Variants in WDR59 observed in about 807,000 individuals in gnomAD.
WDR59 encodes the protein GATOR2 complex protein WDR59.
WDR59 carries 100 observed loss-of-function variants against 131.2 expected under a neutral mutation model. That is an observed-to-expected ratio of 0.76 (90% CI 0.65 to 0.90). The LOEUF is 0.90. WDR59 is among the 40% of genes least tolerant of loss of function. The pLI is 0.00. For missense variants in WDR59, 1,203 were observed against 1,262.2 expected, an observed-to-expected ratio of 0.95 and a Z score of 0.71; for synonymous variants, 601 against 466.2, an observed-to-expected ratio of 1.29 and a Z score of -3.72.
At chr16:74,965,071 A>G (rs2033715677) in intron 2 of WDR59, among the ~76,000 whole-genome samples, 1 of 152,100 alleles carries the variant, frequency 6.6e-6, no homozygotes. Flanking sequence ...TCTCAAAAAA[A>G]AAAAAAAATT....
At chr16:74,958,059 A>G (rs1237569099) in intron 2 of WDR59, among the ~76,000 whole-genome samples, 1 of 152,232 alleles carries the variant, frequency 6.6e-6, no homozygotes, top group Non-Finnish European at 1.5e-5. Context: ...GGACAAGGCT[A>G]GTAGCTATAC....
intron 1 of WDR59, among the ~76,000 whole-genome samples, chr16:74,974,256 G>A (rs1056753886): frequency 6.6e-6 from 1 of 152,094 alleles, no homozygotes; most frequent in Non-Finnish European, 1.5e-5. Context: ...GGCCCACACT[G>A]GGTACTACTA....
At chr16:74,938,578 C>A (rs1022831194) in intron 7 of WDR59, among the ~76,000 whole-genome samples, 1 of 152,102 alleles carries the variant, frequency 6.6e-6, no homozygotes, top group Admixed American at 6.6e-5. Context: ...GCTCTGTCAC[C>A]CAGGTTGGAG....
intron 20 of WDR59, among the ~76,000 whole-genome samples, chr16:74,892,195 T>C (rs898243587): frequency 1.3e-5 from 2 of 151,988 alleles, no homozygotes; most frequent in Non-Finnish European, 2.9e-5. Context: ...GACAAAGAAA[T>C]AGACATGCAA....
At chr16:74,972,737 C>T (rs1163087679) in intron 1 of WDR59, among the ~76,000 whole-genome samples, 1 of 142,470 alleles carries the variant, frequency 7.0e-6, no homozygotes, top group Non-Finnish European at 1.5e-5. Flanking sequence ...ACAAGATTCA[C>T]TTGAAACCTG....
At chr16:74,893,471 C>T (rs1265126490) in intron 19 of WDR59, among the ~76,000 whole-genome samples, 1 of 152,128 alleles carries the variant, frequency 6.6e-6, no homozygotes, top group African/African-American at 2.4e-5. Flanking sequence ...TGTCCAGACT[C>T]GCGACCCACA....
intron 1 of WDR59, among the ~76,000 whole-genome samples, chr16:74,971,031 A>C (rs763095871): frequency 3.3e-5 from 5 of 151,982 alleles, no homozygotes; most frequent in Non-Finnish European, 5.9e-5. Flanking sequence ...GCTAAACGAC[A>C]AAGCAAGACC....
chr16:74,939,194 G>T (rs1410811510), intron 7 of WDR59, among the ~76,000 whole-genome samples: 1 of 152,026 alleles, frequency 6.6e-6, no homozygotes, highest in Non-Finnish European at 1.5e-5. Context: ...TCTTGCCATG[G>T]CCTCCCAAAG....
intron 19 of WDR59, 31 bp from the exon 20 acceptor site, chr16:74,892,596 C>T (rs765808696): frequency 8.2e-5 from 129 of 1,570,394 alleles, no homozygotes; most frequent in Non-Finnish European, 1.1e-4. Flanking sequence ...TTAAACATTT[C>T]TTTCTAGTGT....
chr16:74,947,821 A>G (rs574681417), intron 6 of WDR59, among the ~76,000 whole-genome samples: 1 of 152,352 alleles, frequency 6.6e-6, no homozygotes, highest in East Asian at 1.9e-4. Flanking sequence ...CTGTAATCCC[A>G]GCACTTCGGG....
chr16:74,898,581 T>C (rs982225284), intron 18 of WDR59, among the ~76,000 whole-genome samples: 1 of 152,102 alleles, frequency 6.6e-6, no homozygotes, highest in Non-Finnish European at 1.5e-5. Context: ...GAGGGAGGCA[T>C]TGGTGCAAAT....
At chr16:74,943,246 T>A (rs2032369586) in intron 6 of WDR59, among the ~76,000 whole-genome samples, 1 of 151,994 alleles carries the variant, frequency 6.6e-6, no homozygotes, top group Non-Finnish European at 1.5e-5. Flanking sequence ...CCCCCTTTTT[T>A]TTTTTTTTAA....
At chr16:74,942,132 C>T (rs1474761656) in intron 7 of WDR59, among the ~76,000 whole-genome samples, 3 of 152,122 alleles carry the variant, frequency 2.0e-5, no homozygotes, top group Admixed American at 6.6e-5. Flanking sequence ...CCATTACAGC[C>T]ACAGCCAAGG....
chr16:74,880,462 T>A lies in WDR59; in HGVS notation c.2689+5191A>T, dbSNP rs576165469. On this transcript the variant is annotated intron_variant, in intron 25 of 25. Coordinates refer to ENST00000262144, the MANE Select transcript of WDR59 (RefSeq NM_030581.4). Reference sequence around the variant, plus strand: ...ACTCTGTCTCCAAAAATAAATAAATTAATTAATTAAAAAAATAAGTTAGGT... The same window carrying A: ...ACTCTGTCTCCAAAAATAAATAAATAAATTAATTAAAAAAATAAGTTAGGT... Among the ~76,000 whole-genome samples the A allele has an allele frequency of 7.4e-4, 112 of 151,928 alleles. 1 individual carries two copies. The highest frequency in any genetic ancestry group is 1.9e-3 in the African/African-American group (77 of 41,438).
chr16:74,927,796 C>G (rs2030984094), intron 8 of WDR59, among the ~76,000 whole-genome samples: 1 of 150,920 alleles, frequency 6.6e-6, no homozygotes, highest in Non-Finnish European at 1.5e-5. Flanking sequence ...CTGTTTTTTT[C>G]AAAAGATCGT....
intron 18 of WDR59, among the ~76,000 whole-genome samples, chr16:74,897,973 T>A (rs1965372987): frequency 6.6e-6 from 1 of 152,166 alleles, no homozygotes; most frequent in Admixed American, 6.5e-5. Context: ...GGTCAGATAC[T>A]AGTTGGGGTC....
Position 74,889,822 on chromosome 16 carries a change from A to G in WDR59, c.2083-7T>C, listed in dbSNP as rs1351921680. The G allele has an allele frequency of 2.5e-6, 4 of 1,597,436 alleles. No individual in the cohort carries two copies. The highest frequency in any genetic ancestry group is 3.4e-6 in the Non-Finnish European group (4 of 1,172,350). ...CCGTAGCCAGCGACCAAACCTGGAC[A>G]GATCAAAGAGAAATACAAACTCAAA... On this transcript the variant is annotated splice_polypyrimidine_tract_variant and splice_region_variant and intron_variant, in intron 20 of 25. Coordinates refer to ENST00000262144, the MANE Select transcript of WDR59 (RefSeq NM_030581.4).
chr16:74,968,298 T>C (rs2033853061), intron 1 of WDR59, among the ~76,000 whole-genome samples: 1 of 152,170 alleles, frequency 6.6e-6, no homozygotes, highest in Admixed American at 6.5e-5. Flanking sequence ...AGATTCAACA[T>C]GAAGATTCGC....
intron 1 of WDR59, among the ~76,000 whole-genome samples, chr16:74,970,931 C>G (rs1220470836): frequency 6.6e-6 from 1 of 151,860 alleles, no homozygotes; most frequent in Non-Finnish European, 1.5e-5. Context: ...TGCACTTGTA[C>G]TCCCAGCTAC....
Sources: allele counts gnomAD v4.1 joint callset (sites outside exome capture counted in the v4.1 genomes callset), GRCh38; gene constraint gnomAD v4.1.1; transcripts MANE v1.5; gene names NCBI Gene and HGNC (gene_info 2026-07-23, HGNC 2026-07-21).